FAF1: variants seen among roughly 807,000 people sequenced by gnomAD.
FAF1 encodes Fas associated factor 1.
Under a neutral mutation model 92.5 loss-of-function variants are expected in FAF1, and 25 were observed. The observed-to-expected ratio is 0.27, with a 90% CI of 0.20 to 0.38. The LOEUF is 0.38. FAF1 is among the 10% of genes least tolerant of loss of function. FAF1 has a pLI of 1.00. For synonymous variants in FAF1, 234 were observed against 273.2 expected, an observed-to-expected ratio of 0.86 and a Z score of 1.42; for missense variants, 636 against 793.3, an observed-to-expected ratio of 0.80 and a Z score of 2.38.
At chr1:50,593,347 T>C (rs1203515413) in intron 9 of FAF1, among the ~76,000 whole-genome samples, 1 of 152,016 alleles carries the variant, frequency 6.6e-6, no homozygotes, top group Non-Finnish European at 1.5e-5. Flanking sequence ...GAGAAGAAAA[T>C]AAATGAAGTG....
At position 50,687,618 on chromosome 1, in the gene FAF1, G is replaced by A. The variant is rs186265514; in HGVS notation, c.657+18168C>T. Reference sequence around the variant, plus strand: ...TACAAAAATTAGCCAGGCATGGGGCGCGTGCCTGTAATCCCAGCTACTTGG... The same window carrying A: ...TACAAAAATTAGCCAGGCATGGGGCACGTGCCTGTAATCCCAGCTACTTGG... On this transcript the variant is annotated intron_variant, in intron 7 of 18. Transcript: ENST00000396153. Among the ~76,000 whole-genome samples the A allele has an allele frequency of 1.7e-3, 262 of 152,068 alleles. 9 individuals carry two copies. The highest frequency in any genetic ancestry group is 0.013 in the Admixed American group (205 of 15,260).
intron 6 of FAF1, among the ~76,000 whole-genome samples, chr1:50,713,729 T>C (rs956686743): frequency 6.6e-6 from 1 of 151,852 alleles, no homozygotes; most frequent in African/African-American, 2.4e-5. Flanking sequence ...TCCTGAGTAG[T>C]TGAGATTACA....
At chr1:50,793,600 C>T (rs1412091702) in intron 3 of FAF1, among the ~76,000 whole-genome samples, 1 of 152,122 alleles carries the variant, frequency 6.6e-6, no homozygotes, top group Non-Finnish European at 1.5e-5. Context: ...AAGAAGGGAC[C>T]ACTGGAAACA....
intron 1 of FAF1, among the ~76,000 whole-genome samples, chr1:50,934,472 T>G (rs1645071340): frequency 6.6e-6 from 1 of 152,102 alleles, no homozygotes; most frequent in Non-Finnish European, 1.5e-5. Context: ...CCTATAATTC[T>G]AGCACTTTGG....
chr1:50,639,503 G>C (rs1455369821), intron 8 of FAF1, among the ~76,000 whole-genome samples: 1 of 152,162 alleles, frequency 6.6e-6, no homozygotes, highest in Non-Finnish European at 1.5e-5. Flanking sequence ...TTTTGTTAAT[G>C]AAATTAGTTA....
chr1:50,819,736 T>TATAC (rs1269490650), intron 2 of FAF1, among the ~76,000 whole-genome samples: 2 of 32,664 alleles, frequency 6.1e-5, no homozygotes, highest in Non-Finnish European at 1.5e-4. Context: ...TATACATATA[T>TATAC]ATACATATAT....
At chr1:50,744,035 C>T (rs1015354931) in intron 5 of FAF1, among the ~76,000 whole-genome samples, 3 of 152,002 alleles carry the variant, frequency 2.0e-5, no homozygotes, top group Admixed American at 6.6e-5. Context: ...CATGCCACTA[C>T]ACTCCAGCAT....
At chr1:50,587,660 T>A (rs997837025) in intron 9 of FAF1, among the ~76,000 whole-genome samples, 1 of 152,226 alleles carries the variant, frequency 6.6e-6, no homozygotes, top group Non-Finnish European at 1.5e-5. Context: ...ATTGCATTCA[T>A]TTATTACCTT....
intron 13 of FAF1, among the ~76,000 whole-genome samples, chr1:50,552,297 C>CAAA (rs766349774): frequency 4.7e-5 from 4 of 84,968 alleles, no homozygotes; most frequent in Admixed American, 1.3e-4. Context: ...ACTCTGTTTC[C>CAAA]AAAAAAAAAA....
At chr1:50,780,493 A>G (rs1661133482) in intron 4 of FAF1, 1 of 191,010 alleles carries the variant, frequency 5.2e-6, no homozygotes, top group Middle Eastern at 1.1e-3. Context: ...CGGTAGAGAC[A>G]GGGACTCACT....
At chr1:50,637,745 A>G (rs1343275751) in intron 8 of FAF1, among the ~76,000 whole-genome samples, 1 of 150,424 alleles carries the variant, frequency 6.6e-6, no homozygotes, top group African/African-American at 2.5e-5. Flanking sequence ...ATATATACAC[A>G]TATATATATA....
chr1:50,685,497 TG>T (rs1443633024), intron 7 of FAF1, among the ~76,000 whole-genome samples: 1 of 152,172 alleles, frequency 6.6e-6, no homozygotes, highest in Non-Finnish European at 1.5e-5. Context: ...AATCATAAAA[TG>T]GGGAAAAGCA....
chr1:50,922,947 G>C (rs182206565), intron 1 of FAF1, among the ~76,000 whole-genome samples: 78 of 151,680 alleles, frequency 5.1e-4, no homozygotes, highest in African/African-American at 1.7e-3. Flanking sequence ...CATCATAACT[G>C]ATACCAAAGA....
At chr1:50,798,338 G>A (rs1055303276) in intron 3 of FAF1, among the ~76,000 whole-genome samples, 1 of 152,130 alleles carries the variant, frequency 6.6e-6, no homozygotes, top group African/African-American at 2.4e-5. Flanking sequence ...ACAAATATGA[G>A]TTAATAAATA....
At chr1:50,620,777 G>C (rs1459893468) in intron 8 of FAF1, among the ~76,000 whole-genome samples, 1 of 152,266 alleles carries the variant, frequency 6.6e-6, no homozygotes, top group Non-Finnish European at 1.5e-5. Flanking sequence ...GTAATGGCCA[G>C]TAGCTAGGCA....
intron 6 of FAF1, among the ~76,000 whole-genome samples, chr1:50,729,316 A>G (rs989264424): frequency 2.6e-5 from 4 of 151,556 alleles, no homozygotes; most frequent in African/African-American, 7.3e-5. Context: ...CGGCCTCCCA[A>G]AGCGCTGGGA....
chr1:50,700,163 A>G (rs1432753956), intron 7 of FAF1, among the ~76,000 whole-genome samples: 1 of 140,932 alleles, frequency 7.1e-6, no homozygotes, highest in South Asian at 2.3e-4. Flanking sequence ...TTTTTTTTTT[A>G]TTTCTGTTTG....
intron 8 of FAF1, among the ~76,000 whole-genome samples, chr1:50,642,011 T>C (rs559322535): frequency 2.0e-5 from 3 of 152,064 alleles, no homozygotes; most frequent in African/African-American, 7.2e-5. Flanking sequence ...AACACCACCC[T>C]GGGCAACATG....
At chr1:50,522,435 T>C (rs1647551886) in intron 15 of FAF1, among the ~76,000 whole-genome samples, 1 of 152,196 alleles carries the variant, frequency 6.6e-6, no homozygotes, top group Non-Finnish European at 1.5e-5. Context: ...CTAGAAGAGA[T>C]GATTTAAAGG....
Sources: gnomAD v4.1 joint callset for allele counts (sites outside exome capture counted in the v4.1 genomes callset) on GRCh38, gnomAD v4.1.1 for gene constraint, MANE v1.5 for transcripts, NCBI Gene and HGNC (gene_info 2026-07-23, HGNC 2026-07-21) for gene names.